PRDM1: variants seen among roughly 807,000 people sequenced by gnomAD.
The protein encoded by PRDM1 is PR domain zinc finger protein 1.
A neutral mutation model predicts 62.8 loss-of-function variants in PRDM1; 13 were observed. The ratio of observed to expected loss-of-function variants is 0.21; its 90% CI spans 0.13 to 0.33. The LOEUF is 0.33. PRDM1 is among the 10% of genes least tolerant of loss of function. PRDM1 has a pLI of 1.00. For synonymous variants in PRDM1, 396 were observed against 417.6 expected (o/e 0.95, Z 0.63); for missense variants, 895 against 1,058.8 (o/e 0.85, Z 2.15).
rs1774471261 is a variant in PRDM1 at position 106,105,940 on chromosome 6, C to T, written c.1773+7C>T. 1.9e-6 allele frequency: 3 copies of T among 1,609,430 alleles called. No individual in the cohort carries two copies. The highest frequency in any genetic ancestry group is 2.5e-6 in the Non-Finnish European group (3 of 1,177,492). Reference sequence around the variant, plus strand: ...CCAGCTCTCCAATCTGAAGGTAGGCCTTGAGAGAGAGCAGTCCAAGGGGCT... The same window carrying T: ...CCAGCTCTCCAATCTGAAGGTAGGCTTTGAGAGAGAGCAGTCCAAGGGGCT... On this transcript the variant is annotated splice_region_variant and intron_variant, in intron 5 of 6. Coordinates refer to ENST00000369096, the MANE Select transcript of PRDM1 (RefSeq NM_001198.4).
chr6:106,011,118 G>C (rs1400356663), intron 1 of PRDM1, among the ~76,000 whole-genome samples: 1 of 152,010 alleles, frequency 6.6e-6, no homozygotes, highest in Non-Finnish European at 1.5e-5. Flanking sequence ...TTTTTATCTT[G>C]GGGTAGTTTT....
At chr6:106,053,995 T>C (rs1351985026) in intron 1 of PRDM1, among the ~76,000 whole-genome samples, 1 of 152,122 alleles carries the variant, frequency 6.6e-6, no homozygotes, top group East Asian at 1.9e-4. Flanking sequence ...CCCTCTGGGG[T>C]TTCCTTGCAG....
chr6:106,094,130 A>G (rs1774027673), intron 2 of PRDM1, among the ~76,000 whole-genome samples: 1 of 152,246 alleles, frequency 6.6e-6, no homozygotes, highest in South Asian at 2.1e-4. Flanking sequence ...TCCACTGTGA[A>G]CAATCTGTGC....
intron 1 of PRDM1, among the ~76,000 whole-genome samples, chr6:106,074,336 G>A (rs1477636730): frequency 1.3e-5 from 2 of 151,996 alleles, no homozygotes; most frequent in East Asian, 1.9e-4. Flanking sequence ...AATTTCCCAC[G>A]TACCAAACAC....
chr6:106,074,909 G>C (rs1267830566), intron 1 of PRDM1, among the ~76,000 whole-genome samples: 1 of 152,232 alleles, frequency 6.6e-6, no homozygotes, highest in Non-Finnish European at 1.5e-5. Flanking sequence ...GGGAGGCAGA[G>C]ATTGCAGTGA....
At position 106,108,808 on chromosome 6, in the gene PRDM1, C is replaced by G. The variant is rs2114669685; in HGVS notation, c.*1322C>G. 1 of 232,868 alleles carries G rather than the reference C, an allele frequency of 4.3e-6. No individual in the cohort carries two copies. The highest frequency in any genetic ancestry group is 2.2e-5 in the African/African-American group (1 of 45,350). The allele number at this position is 232,868 out of a possible 1,614,324, so 14.4% of individuals were successfully genotyped here. A position where few individuals can be genotyped will look rare whatever the true frequency, so the allele number is the denominator to read the frequency against. On this transcript the variant is annotated 3_prime_UTR_variant, in exon 7 of 7. Transcript: ENST00000369096. ...AGGGCATTGCAAAGTTGTTCAACAA[C>G]AGTTACCTCATTGAGTGTGTCCAGT... is the stretch of plus-strand genomic sequence containing the variant.
rs573728818 is a variant in PRDM1, at chr6:106,090,826, A to T, written c.291+2377A>T. ...TACTATTGTGCTGACATACCGGGGA[A>T]TTTTTTTTTTACAAGACCATTTTTC... is the stretch of plus-strand genomic sequence containing the variant. On this transcript the variant is annotated intron_variant, in intron 2 of 6. Transcript: ENST00000369096. Among the ~76,000 whole-genome samples, 611 of 147,438 alleles carry T rather than the reference A, an allele frequency of 4.1e-3. 2 individuals are homozygous for T. The highest frequency in any genetic ancestry group is 6.6e-3 in the Non-Finnish European group (442 of 66,838).
At chr6:106,008,367 G>A (rs1482491042) in intron 1 of PRDM1, among the ~76,000 whole-genome samples, 6 of 151,818 alleles carry the variant, frequency 4.0e-5, no homozygotes, top group Admixed American at 1.3e-4. Flanking sequence ...GTGAGGCTCC[G>A]TCTCAAAAAA....
chr6:106,103,814 T>C (rs1198620143), intron 4 of PRDM1, among the ~76,000 whole-genome samples: 1 of 152,198 alleles, frequency 6.6e-6, no homozygotes, highest in Non-Finnish European at 1.5e-5. Context: ...CGCTAAGTAA[T>C]TGAACTGGCT....
rs776528218 is a variant in PRDM1, at chr6:106,108,290, C to A, written c.*804C>A. The A allele has an allele frequency of 2.6e-5, 6 of 233,600 alleles. No individual in the cohort carries two copies. The highest frequency in any genetic ancestry group is 8.5e-6 in the Non-Finnish European group (1 of 118,020). 14.5% of individuals were successfully genotyped at this position (233,600 alleles called of 1,614,324 possible). A position where few individuals can be genotyped will look rare whatever the true frequency, so the allele number is the denominator to read the frequency against. ...AGGAAGGCTTTACCAACCTGTCTCTCCCTCCAAAAGAGCAGAATCCTCCCA... is the reference window on the plus strand; with the variant it reads ...AGGAAGGCTTTACCAACCTGTCTCTACCTCCAAAAGAGCAGAATCCTCCCA... On this transcript the variant is annotated 3_prime_UTR_variant, in exon 7 of 7. Transcript: ENST00000369096.
intron 1 of PRDM1, among the ~76,000 whole-genome samples, chr6:106,072,502 A>G (rs1773534466): frequency 6.6e-6 from 1 of 152,240 alleles, no homozygotes; most frequent in Admixed American, 6.5e-5. Context: ...GAGGAATAGA[A>G]GAAGGGAAGA....
At chr6:106,086,756 T>C (rs1394676197) in intron 1 of PRDM1, among the ~76,000 whole-genome samples, 161 bp downstream of exon 1, 1 of 152,210 alleles carries the variant, frequency 6.6e-6, no homozygotes, top group African/African-American at 2.4e-5. Context: ...TTGTGAGACT[T>C]TCCTTATGAA....
chr6:106,013,560 T>C (rs1772583177), intron 1 of PRDM1, among the ~76,000 whole-genome samples: 1 of 152,106 alleles, frequency 6.6e-6, no homozygotes, highest in South Asian at 2.1e-4. Context: ...ACTCCTGACC[T>C]CAGGTAATCC....
chr6:106,088,974 G>T (rs976545920), intron 2 of PRDM1, among the ~76,000 whole-genome samples: 2 of 152,184 alleles, frequency 1.3e-5, no homozygotes, highest in African/African-American at 4.8e-5. Flanking sequence ...GAGAAAGGGG[G>T]TCATGTAAAA....
At chr6:106,098,836 A>G in intron 3 of PRDM1, 1 of 1,526,492 alleles carries the variant, frequency 6.6e-7, no homozygotes, top group Non-Finnish European at 8.8e-7. Context: ...CGGCGAGTAC[A>G]GAGGCCATAG....
intron 1 of PRDM1, among the ~76,000 whole-genome samples, chr6:106,079,014 G>A (rs1323588118): frequency 2.0e-5 from 3 of 151,860 alleles, no homozygotes; most frequent in Non-Finnish European, 4.4e-5. Flanking sequence ...AGGCTGGAGT[G>A]CAGTGGCGCG....
At chr6:106,018,834 C>T (rs535142081) in intron 1 of PRDM1, among the ~76,000 whole-genome samples, 1 of 152,116 alleles carries the variant, frequency 6.6e-6, no homozygotes, top group South Asian at 2.1e-4. Context: ...AAAAAAATGA[C>T]CCATTTTTTC....
chr6:106,100,925 A>G (rs1041217273), intron 4 of PRDM1, among the ~76,000 whole-genome samples: 2 of 152,020 alleles, frequency 1.3e-5, no homozygotes, highest in Non-Finnish European at 2.9e-5. Flanking sequence ...CTTTTCCCTC[A>G]TGTCTCTTCA....
At chr6:106,020,932 T>C (rs1772690647) in intron 1 of PRDM1, among the ~76,000 whole-genome samples, 1 of 152,182 alleles carries the variant, frequency 6.6e-6, no homozygotes, top group Admixed American at 6.5e-5. Flanking sequence ...TGCACCCGGC[T>C]CCATGCCAGT....
Sources: allele counts gnomAD v4.1 joint callset (sites outside exome capture counted in the v4.1 genomes callset), GRCh38; gene constraint gnomAD v4.1.1; transcripts MANE v1.5; gene names NCBI Gene and HGNC (gene_info 2026-07-23, HGNC 2026-07-21).